RXRA: variants seen among roughly 807,000 people sequenced by gnomAD.
RXRA encodes the protein retinoic acid receptor RXR-alpha.
In RXRA, 5 loss-of-function variants were observed where a neutral mutation model predicts 44.5. That is an observed-to-expected ratio of 0.11 (90% confidence interval 0.06 to 0.24). The LOEUF is 0.24. Ranked by LOEUF, RXRA falls within the 10% of genes least tolerant of loss-of-function variation. The probability of loss-of-function intolerance (pLI) is 1.00; values close to 1 mark genes in which losing one functional copy is unlikely to be tolerated. For missense variants in RXRA, 412 were observed against 646.5 expected (o/e 0.64, Z 3.93); for synonymous variants, 291 against 271.4 (o/e 1.07, Z -0.71).
In RXRA at chr9:134,343,857, G is replaced by T. The variant is rs1173420060; in HGVS notation, c.28+17198G>T. The stretch of plus-strand genomic sequence containing the variant: ...TCCCGGAAGGCGGGGCCAGCTGGCT[G>T]GGTCAGCAGATGGGCTCCTCTGGCG... On this transcript the variant is annotated intron_variant, in intron 1 of 9. Coordinates refer to ENST00000481739, the MANE Select transcript of RXRA (RefSeq NM_002957.6). This position sits in a 1 kb window ranked among gnomAD's most constrained non-coding sequence, Gnocchi z 4.1. Among the ~76,000 whole-genome samples the T allele has an allele frequency of 1.3e-5, 2 of 152,160 alleles. No individual in the cohort carries two copies. Among genetic ancestry groups the T allele is most frequent in the Admixed American group, 6.5e-5 (1 of 15,288 alleles).
chr9:134,335,756 C>T (rs1483696657), intron 1 of RXRA, among the ~76,000 whole-genome samples: 1 of 152,126 alleles, frequency 6.6e-6, no homozygotes, highest in South Asian at 2.1e-4. Context: ...CGCCCATGTG[C>T]GGTACCCCAC....
At chr9:134,372,153 TG>T (rs1176663959) in intron 1 of RXRA, 1 of 151,662 alleles carries the variant, frequency 6.6e-6, no homozygotes, top group Non-Finnish European at 1.5e-5. Flanking sequence ...TGGAGAGGGG[TG>T]AGGATGGGTT....
intron 1 of RXRA, chr9:134,379,382 G>A (rs1830605155): frequency 1.0e-6 from 1 of 987,556 alleles, no homozygotes; most frequent in South Asian, 4.7e-5. Context: ...GTCCTGTGGT[G>A]AGCTGCTTCT....
At chr9:134,415,727 A>G (rs896767213) in intron 4 of RXRA, among the ~76,000 whole-genome samples, 5 of 152,166 alleles carry the variant, frequency 3.3e-5, no homozygotes, top group African/African-American at 1.2e-4. Flanking sequence ...GCAGGAGGGC[A>G]CAAGGGAGGG....
chr9:134,366,974 T>C lies in RXRA; in HGVS notation c.29-34658T>C, dbSNP rs190986193. On this transcript the variant is annotated intron_variant, in intron 1 of 9. Transcript: ENST00000481739. This position sits in a 1 kb window ranked among gnomAD's most constrained non-coding sequence, Gnocchi z 5.9. ...GGCCTGCACATCCCCACCCCTGCCC[T>C]GCGTGCCACTCTCAGCCTTTGCCCA... is the stretch of plus-strand genomic sequence containing the variant. Among the ~76,000 whole-genome samples the C allele has an allele frequency of 1.8e-4, 27 of 152,246 alleles. No individual in the cohort carries two copies. Among genetic ancestry groups the C allele is most frequent in the Non-Finnish European group, 2.9e-4 (20 of 68,002 alleles).
intron 4 of RXRA, among the ~76,000 whole-genome samples, chr9:134,410,058 C>T (rs34186206): frequency 0.017 from 2,529 of 152,346 alleles, 73 homozygotes; most frequent in African/African-American, 0.057. Context: ...GAGTGGCCAC[C>T]TTGGTGCTGC....
chr9:134,416,455 C>T lies in RXRA; in HGVS notation c.611-703C>T, dbSNP rs34513164. Reference sequence around the variant, plus strand: ...CCCCCCGAGTGGCTGCTTCCTGGGACAGATTGAAAGGCATCTCGGTGCCCT... The same window carrying T: ...CCCCCCGAGTGGCTGCTTCCTGGGATAGATTGAAAGGCATCTCGGTGCCCT... On this transcript the variant is annotated intron_variant, in intron 4 of 9. Transcript: ENST00000481739. Among the ~76,000 whole-genome samples the T allele has an allele frequency of 5.2e-3, 786 of 152,272 alleles. 1 individual carries two copies. Among genetic ancestry groups the T allele is most frequent in the South Asian group, 8.9e-3 (43 of 4,824 alleles).
At chr9:134,422,444 A>G (rs1412824019) in intron 6 of RXRA, 1 of 1,255,284 alleles carries the variant, frequency 8.0e-7, no homozygotes, top group Admixed American at 2.4e-5. Context: ...CTCTCCCTAG[A>G]CACTCCCTAC....
chr9:134,426,890 C>G lies in RXRA; in HGVS notation c.911-2218C>G, dbSNP rs1831442808. 2 of 985,244 alleles carry G rather than the reference C, an allele frequency of 2.0e-6. No homozygotes were observed. Among genetic ancestry groups the G allele is most frequent in the Admixed American group, 6.1e-5 (1 of 16,278 alleles). 61.0% of individuals were successfully genotyped at this position (985,244 alleles called of 1,614,324 possible). ...CCACAGGAAGTCTGTCCACACTGGG[C>G]CTGGTGTGGGAAGGGAGGGAGAGCC... On this transcript the variant is annotated intron_variant, in intron 6 of 9. Transcript: ENST00000481739. The surrounding 1 kb of genome is among the most constrained non-coding windows in gnomAD (Gnocchi z 4.6).
chr9:134,396,232 A>G (rs1044273166), intron 1 of RXRA, among the ~76,000 whole-genome samples: 33 of 152,282 alleles, frequency 2.2e-4, no homozygotes, highest in African/African-American at 7.5e-4. Context: ...TGGGTTGGGC[A>G]TGGCTGCCCG....
Position 134,436,642 on chromosome 9 carries a change from C to A in RXRA, c.*28C>A, listed in dbSNP as rs963407911. ...CTGCGGGCCCATCCTTTGTGCCCACCCGTTCTGGCCACCCTGCCTGGACGC... is the reference window on the plus strand; with the variant it reads ...CTGCGGGCCCATCCTTTGTGCCCACACGTTCTGGCCACCCTGCCTGGACGC... On this transcript the variant is annotated 3_prime_UTR_variant, in exon 10 of 10. Transcript: ENST00000481739. 3 of 1,612,268 alleles carry A rather than the reference C, an allele frequency of 1.9e-6. No homozygotes were observed. The highest frequency in any genetic ancestry group is 2.5e-6 in the Non-Finnish European group (3 of 1,179,134).
At chr9:134,339,112 T>A (rs544460633) in intron 1 of RXRA, among the ~76,000 whole-genome samples, 1 of 70,596 alleles carries the variant, frequency 1.4e-5, no homozygotes, top group Non-Finnish European at 3.0e-5. Context: ...TCACCCCCCC[T>A]GGGGTTGGCC....
chr9:134,339,217 G>A (rs1830051731), intron 1 of RXRA, among the ~76,000 whole-genome samples: 1 of 152,232 alleles, frequency 6.6e-6, no homozygotes, highest in South Asian at 2.1e-4. Context: ...GAAAGGCCAG[G>A]ACTGAGGTGG....
chr9:134,372,770 G>A (rs538295932), intron 1 of RXRA, among the ~76,000 whole-genome samples: 41 of 152,316 alleles, frequency 2.7e-4, no homozygotes, highest in Non-Finnish European at 2.6e-4. Context: ...CCAGCAGGGC[G>A]TGTGCTCCTG....
intron 1 of RXRA, among the ~76,000 whole-genome samples, chr9:134,362,387 G>T (rs774229940): frequency 1.3e-5 from 2 of 152,184 alleles, no homozygotes; most frequent in African/African-American, 4.8e-5. Context: ...CGCCTCGCTG[G>T]GTGCCCCTGC....
intron 1 of RXRA, among the ~76,000 whole-genome samples, chr9:134,356,984 C>T (rs1371302009): frequency 6.6e-6 from 1 of 152,198 alleles, no homozygotes; most frequent in Non-Finnish European, 1.5e-5. Flanking sequence ...TGCTGGGCAC[C>T]CCCAGGAAGC....
At position 134,408,146 on chromosome 9, in the gene RXRA, C is replaced by T. The variant is rs754570851; in HGVS notation, c.280-3C>T. 1.9e-6 allele frequency: 3 copies of T among 1,547,806 alleles called. No individual in the cohort carries two copies. Among genetic ancestry groups the T allele is most frequent in the Non-Finnish European group, 2.6e-6 (3 of 1,149,618 alleles). On this transcript the variant is annotated splice_polypyrimidine_tract_variant and splice_region_variant and intron_variant, in intron 2 of 9. Coordinates refer to ENST00000481739, the MANE Select transcript of RXRA (RefSeq NM_002957.6). ...CGCTGACTGCTGTGGTTGCCCCCCC[C>T]AGCTCAGCTCACCTATGAACCCCGT...
chr9:134,333,376 C>G (rs1037184797), intron 1 of RXRA, among the ~76,000 whole-genome samples: 2 of 152,160 alleles, frequency 1.3e-5, no homozygotes, highest in African/African-American at 4.8e-5. Context: ...CTCCCCGCAC[C>G]TCTGTTGGCC....
chr9:134,344,375 G>C (rs976005801), intron 1 of RXRA, among the ~76,000 whole-genome samples: 2 of 152,188 alleles, frequency 1.3e-5, no homozygotes, highest in Non-Finnish European at 2.9e-5. Flanking sequence ...TGCCCTTGCC[G>C]CCGGAAGGGG....
Sources: allele counts gnomAD v4.1 joint callset (sites outside exome capture counted in the v4.1 genomes callset), GRCh38; gene constraint gnomAD v4.1.1; non-coding constraint Gnocchi (gnomAD v3.1); transcripts MANE v1.5; gene names NCBI Gene and HGNC (gene_info 2026-07-23, HGNC 2026-07-21).